The following GRM8 variants were observed in gnomAD, a reference collection of about 807,000 sequenced individuals.
The protein encoded by GRM8 is metabotropic glutamate receptor 8.
GRM8 carries 47 observed loss-of-function variants against 87.2 expected under a neutral mutation model. The observed-to-expected ratio is 0.54, with a 90% CI of 0.43 to 0.69. GRM8 has a LOEUF of 0.69. Among genes scored for constraint, GRM8 ranks in the 30% least tolerant of loss-of-function variants. The pLI is 0.00. For missense variants in GRM8, 1,019 were observed against 1,139.2 expected (o/e 0.89, Z 1.52); for synonymous variants, 396 against 404.5 (o/e 0.98, Z 0.25).
chr7:126,657,636 A>G (rs1281590133), intron 7 of GRM8, among the ~76,000 whole-genome samples: 1 of 152,264 alleles, frequency 6.6e-6, no homozygotes, highest in African/African-American at 2.4e-5. Flanking sequence ...CAGAGTCTGC[A>G]GGCTTTAGGA....
chr7:127,196,260 A>G (rs1001490443), intron 2 of GRM8, among the ~76,000 whole-genome samples: 3 of 152,130 alleles, frequency 2.0e-5, no homozygotes, highest in Non-Finnish European at 4.4e-5. Flanking sequence ...GCTCATGCCT[A>G]TAATCCCAGT....
At chr7:127,055,668 TAC>T (rs71177589) in intron 3 of GRM8, among the ~76,000 whole-genome samples, 1 of 151,742 alleles carries the variant, frequency 6.6e-6, no homozygotes, top group Non-Finnish European at 1.5e-5. Context: ...TATTTATATA[TAC>T]ACACACACAC....
Position 126,903,792 on chromosome 7 carries a change from T to TATAC in GRM8, c.1018+179_1018+180insGTAT, listed in dbSNP as rs1554526168. On this transcript the variant is annotated intron_variant, in intron 5 of 10. Coordinates refer to ENST00000339582, the MANE Select transcript of GRM8 (RefSeq NM_000845.3). The stretch of plus-strand genomic sequence containing the variant: ...GTGTGTGTGTATATATATATATATA[T>TATAC]ATATATATATGCATATGCATGCTGG... Among the ~76,000 whole-genome samples the TATAC allele has an allele frequency of 9.8e-4, 144 of 147,098 alleles. 2 individuals carry two copies. Among genetic ancestry groups the TATAC allele is most frequent in the African/African-American group, 3.4e-3 (138 of 40,146 alleles).
At chr7:126,953,377 C>T (rs1431960117) in intron 3 of GRM8, among the ~76,000 whole-genome samples, 1 of 152,114 alleles carries the variant, frequency 6.6e-6, no homozygotes, top group Non-Finnish European at 1.5e-5. Flanking sequence ...AACAGAAAGA[C>T]ATCTTTCCCT....
chr7:126,792,777 T>C (rs998308507), intron 6 of GRM8, among the ~76,000 whole-genome samples: 7 of 152,180 alleles, frequency 4.6e-5, no homozygotes, highest in Non-Finnish European at 8.8e-5. Context: ...TCTGTGACTA[T>C]GGGAAACAGA....
At chr7:126,840,867 T>C (rs551547883) in intron 6 of GRM8, among the ~76,000 whole-genome samples, 1 of 152,348 alleles carries the variant, frequency 6.6e-6, no homozygotes, top group African/African-American at 2.4e-5. Context: ...ACAATGTTTG[T>C]TAGATTACTC....
At chr7:127,003,171 CA>C (rs760089044) in intron 3 of GRM8, among the ~76,000 whole-genome samples, 17 of 151,718 alleles carry the variant, frequency 1.1e-4, no homozygotes, top group Non-Finnish European at 2.2e-4. Context: ...GTACTTTCAA[CA>C]AGTTGTCCCT....
At chr7:127,176,697 G>A (rs17866253) in intron 2 of GRM8, among the ~76,000 whole-genome samples, 3,156 of 152,334 alleles carry the variant, frequency 0.021, 106 homozygotes, top group African/African-American at 0.072. Context: ...TCCTCTCACA[G>A]GGCTCCATGC....
At chr7:126,441,751 AC>A (rs1801486952) in intron 10 of GRM8, among the ~76,000 whole-genome samples, 1 of 151,830 alleles carries the variant, frequency 6.6e-6, no homozygotes, top group African/African-American at 2.4e-5. Context: ...CTTACCAGAG[AC>A]CAAGTTCATA....
At chr7:126,807,030 G>T (rs765061272) in intron 6 of GRM8, among the ~76,000 whole-genome samples, 4 of 152,210 alleles carry the variant, frequency 2.6e-5, no homozygotes, top group African/African-American at 4.8e-5. Context: ...AGTGAGCGAG[G>T]GCTGCTAGCA....
intron 6 of GRM8, among the ~76,000 whole-genome samples, chr7:126,877,476 C>G (rs1052120371): frequency 9.9e-5 from 15 of 152,174 alleles, no homozygotes; most frequent in African/African-American, 3.6e-4. Context: ...TAGTGGCTAC[C>G]ATATTGGACA....
intron 8 of GRM8, among the ~76,000 whole-genome samples, chr7:126,597,043 G>A (rs941240471): frequency 6.6e-6 from 1 of 151,916 alleles, no homozygotes; most frequent in Non-Finnish European, 1.5e-5. Context: ...ACAACAAAGC[G>A]AAATAATCTA....
chr7:127,027,425 C>T (rs370343837), intron 3 of GRM8, among the ~76,000 whole-genome samples: 3 of 152,266 alleles, frequency 2.0e-5, no homozygotes, highest in East Asian at 3.9e-4. Flanking sequence ...TCACCTTGGG[C>T]AGTATGGCCT....
intron 7 of GRM8, among the ~76,000 whole-genome samples, chr7:126,767,737 A>T (rs1818349714): frequency 6.6e-6 from 1 of 152,106 alleles, no homozygotes; most frequent in Admixed American, 6.6e-5. Flanking sequence ...TGTGATGAAT[A>T]TCCTGGAAAT....
chr7:126,836,617 C>A (rs1055885505), intron 6 of GRM8, among the ~76,000 whole-genome samples: 25 of 152,266 alleles, frequency 1.6e-4, no homozygotes, highest in Middle Eastern at 3.4e-3. Flanking sequence ...TCCCCTGCCT[C>A]GTACTCACCT....
intron 8 of GRM8, among the ~76,000 whole-genome samples, chr7:126,550,442 T>A (rs1792466419): frequency 1.3e-5 from 2 of 152,164 alleles, no homozygotes; most frequent in Admixed American, 1.3e-4. Flanking sequence ...GAATCATAAA[T>A]TTCTTAATAG....
At chr7:126,735,131 T>C (rs1223457971) in intron 7 of GRM8, among the ~76,000 whole-genome samples, 2 of 152,094 alleles carry the variant, frequency 1.3e-5, no homozygotes, top group Non-Finnish European at 2.9e-5. Flanking sequence ...TTTGTTTAAA[T>C]TGCTGTAGGG....
chr7:127,210,542 G>C (rs1028084474), intron 2 of GRM8, among the ~76,000 whole-genome samples: 3 of 152,192 alleles, frequency 2.0e-5, no homozygotes, highest in African/African-American at 7.2e-5. Flanking sequence ...TAATTTAGGT[G>C]TTAGGTGAGA....
chr7:127,215,994 A>G (rs1224795723), intron 2 of GRM8, among the ~76,000 whole-genome samples: 4 of 152,242 alleles, frequency 2.6e-5, no homozygotes, highest in Non-Finnish European at 5.9e-5. Context: ...GTCACCTAGC[A>G]GAGAGAGCTT....
Sources: allele counts gnomAD v4.1 joint callset (sites outside exome capture counted in the v4.1 genomes callset), GRCh38; gene constraint gnomAD v4.1.1; transcripts MANE v1.5; gene names NCBI Gene and HGNC (gene_info 2026-07-23, HGNC 2026-07-21).